Variants in ADGRL3 observed in about 807,000 individuals in gnomAD.
ADGRL3 encodes calcium-independent alpha-latrotoxin receptor 3.
ADGRL3 carries 62 observed loss-of-function variants against 153.5 expected under a neutral mutation model. That is an observed-to-expected ratio of 0.40 (90% CI 0.33 to 0.50). The LOEUF is 0.50. ADGRL3 is among the 20% of genes least tolerant of loss of function. The pLI is 0.47. For missense variants in ADGRL3, 1,641 were observed against 1,859.4 expected (o/e 0.88, Z 2.16); for synonymous variants, 710 against 672.5 (o/e 1.06, Z -0.86).
At chr4:62,033,937 C>T (rs1198363615) in intron 23 of ADGRL3, among the ~76,000 whole-genome samples, 2 of 151,396 alleles carry the variant, frequency 1.3e-5, no homozygotes, top group Admixed American at 6.6e-5. Context: ...TTTTTATTAG[C>T]CAATGCCTCT....
chr4:61,924,706 G>T (rs2098786956), intron 13 of ADGRL3, among the ~76,000 whole-genome samples: 1 of 152,076 alleles, frequency 6.6e-6, no homozygotes, highest in Non-Finnish European at 1.5e-5. Context: ...CTTTTATTCT[G>T]GCTGTTCCCT....
chr4:61,890,381 A>T (rs2149577472), intron 9 of ADGRL3, among the ~76,000 whole-genome samples: 1 of 152,268 alleles, frequency 6.6e-6, no homozygotes, highest in Middle Eastern at 3.4e-3. Flanking sequence ...AATACCCAAG[A>T]CGGGGTAATT....
chr4:61,608,427 CTG>C (rs2099041082), intron 5 of ADGRL3, among the ~76,000 whole-genome samples: 1 of 152,042 alleles, frequency 6.6e-6, no homozygotes, highest in Non-Finnish European at 1.5e-5. Context: ...TATAAGTAAA[CTG>C]AATTAAAAAC....
intron 8 of ADGRL3, among the ~76,000 whole-genome samples, chr4:61,741,900 G>T (rs755831762): frequency 1.3e-5 from 2 of 152,196 alleles, no homozygotes; most frequent in Non-Finnish European, 2.9e-5. Flanking sequence ...TGTTAGACAT[G>T]AAATCAAAAT....
chr4:61,926,550 T>G (rs1052516739), intron 13 of ADGRL3, among the ~76,000 whole-genome samples: 4 of 152,210 alleles, frequency 2.6e-5, no homozygotes, highest in African/African-American at 7.2e-5. Flanking sequence ...TTCTACTCTA[T>G]GTTAGCTAAT....
chr4:61,280,267 G>T (rs1475939242), intron 1 of ADGRL3, among the ~76,000 whole-genome samples: 1 of 151,514 alleles, frequency 6.6e-6, no homozygotes, highest in Non-Finnish European at 1.5e-5. Flanking sequence ...ACGCCACCAT[G>T]CCTGGCTAAT....
intron 1 of ADGRL3, among the ~76,000 whole-genome samples, chr4:61,367,391 C>T (rs1405661641): frequency 6.6e-6 from 1 of 151,848 alleles, no homozygotes; most frequent in Admixed American, 6.6e-5. Context: ...TCCCCACTCC[C>T]CCCACCCCAC....
At chr4:61,299,822 T>C (rs1236823356) in intron 1 of ADGRL3, among the ~76,000 whole-genome samples, 1 of 152,182 alleles carries the variant, frequency 6.6e-6, no homozygotes, top group African/African-American at 2.4e-5. Context: ...CACTGTTCCC[T>C]AGCAAGTCTG....
intron 5 of ADGRL3, among the ~76,000 whole-genome samples, chr4:61,647,197 A>T (rs1180060878): frequency 1.3e-5 from 2 of 152,078 alleles, no homozygotes; most frequent in Non-Finnish European, 2.9e-5. Flanking sequence ...TAGTGAGATG[A>T]ACCCGGTACC....
At chr4:61,439,093 T>C (rs1284665306) in intron 2 of ADGRL3, among the ~76,000 whole-genome samples, 2 of 152,136 alleles carry the variant, frequency 1.3e-5, no homozygotes, top group Non-Finnish European at 2.9e-5. Flanking sequence ...TATAATATTA[T>C]AGAGCAAAAC....
rs1745486863 is a variant in ADGRL3 at position 62,070,959 on chromosome 4, G to C, written c.*51G>C. The C allele has an allele frequency of 2.8e-6, 4 of 1,409,594 alleles. No homozygotes were observed. Among genetic ancestry groups the C allele is most frequent in the Non-Finnish European group, 3.8e-6 (4 of 1,043,598 alleles). The allele number at this position is 1,409,594 out of a possible 1,614,324, so 87.3% of individuals were successfully genotyped here. Reference sequence around the variant, plus strand: ...CAAAACTGCTAACACCTTGTTGACTGTTCTGAGTTGATATAAGCAGTGGTA... The same window carrying C: ...CAAAACTGCTAACACCTTGTTGACTCTTCTGAGTTGATATAAGCAGTGGTA... On this transcript the variant is annotated 3_prime_UTR_variant, in exon 27 of 27. Transcript: ENST00000683033.
At chr4:61,437,181 T>A (rs2097458232) in intron 2 of ADGRL3, among the ~76,000 whole-genome samples, 1 of 152,084 alleles carries the variant, frequency 6.6e-6, no homozygotes, top group African/African-American at 2.4e-5. Flanking sequence ...ACGCCATTGA[T>A]CCAAAACTAA....
chr4:61,667,599 G>T (rs2094844263), intron 5 of ADGRL3, among the ~76,000 whole-genome samples: 1 of 152,210 alleles, frequency 6.6e-6, no homozygotes, highest in Non-Finnish European at 1.5e-5. Context: ...ATTTTGTGAG[G>T]TTTTACGTAA....
intron 8 of ADGRL3, among the ~76,000 whole-genome samples, chr4:61,743,921 C>A (rs888065944): frequency 6.6e-6 from 1 of 152,182 alleles, no homozygotes; most frequent in Non-Finnish European, 1.5e-5. Flanking sequence ...TTGCCTCACT[C>A]GGGAAGTGCA....
At chr4:61,367,206 G>C (rs2096414008) in intron 1 of ADGRL3, among the ~76,000 whole-genome samples, 1 of 151,658 alleles carries the variant, frequency 6.6e-6, no homozygotes, top group Admixed American at 6.6e-5. Flanking sequence ...AATGATTTCA[G>C]ACAAGTTTTT....
intron 9 of ADGRL3, among the ~76,000 whole-genome samples, chr4:61,861,547 T>C (rs2098340346): frequency 6.6e-6 from 1 of 152,022 alleles, no homozygotes; most frequent in South Asian, 2.1e-4. Context: ...GTTGTGATTA[T>C]CTGTTGGTGC....
At chr4:61,325,378 G>A (rs116897554) in intron 1 of ADGRL3, among the ~76,000 whole-genome samples, 1 of 152,170 alleles carries the variant, frequency 6.6e-6, no homozygotes, top group East Asian at 1.9e-4. Context: ...TACATTTATT[G>A]ATATTTTTAT....
chr4:61,746,210 G>C (rs2096658670), intron 8 of ADGRL3, among the ~76,000 whole-genome samples: 1 of 152,080 alleles, frequency 6.6e-6, no homozygotes, highest in African/African-American at 2.4e-5. Context: ...CATAAAGCAA[G>C]TCCTGAGTGA....
chr4:61,372,952 C>T (rs553637264), intron 1 of ADGRL3, among the ~76,000 whole-genome samples: 30 of 152,260 alleles, frequency 2.0e-4, no homozygotes, highest in South Asian at 4.2e-4. Context: ...TTAAGCCCGT[C>T]GGAAAAGCGC....
Sources: allele counts gnomAD v4.1 joint callset (sites outside exome capture counted in the v4.1 genomes callset), GRCh38; gene constraint gnomAD v4.1.1; transcripts MANE v1.5; gene names NCBI Gene and HGNC (gene_info 2026-07-23, HGNC 2026-07-21).